Variants in MAP4 observed in about 807,000 individuals in gnomAD.
MAP4 encodes the protein microtubule associated protein 4.
Under a neutral mutation model 170.2 loss-of-function variants are expected in MAP4, and 76 were observed. The observed-to-expected ratio is 0.45, with a 90% CI of 0.37 to 0.54. The LOEUF is 0.54. Among genes scored for constraint, MAP4 ranks in the 20% least tolerant of loss-of-function variants. MAP4 has a pLI of 0.00. For missense variants in MAP4, 2,506 were observed against 2,748.0 expected (o/e 0.91, Z 1.97); for synonymous variants, 909 against 994.5 (o/e 0.91, Z 1.62).
chr3:47,874,658 C>T (rs2094657969), intron 12 of MAP4, among the ~76,000 whole-genome samples: 1 of 152,148 alleles, frequency 6.6e-6, no homozygotes, highest in Non-Finnish European at 1.5e-5. Context: ...GGCACCTCCC[C>T]TCTGCCCTCT....
rs58498879 is a variant in MAP4, at chr3:47,976,386, G to T, written c.292+1479C>A. On this transcript the variant is annotated intron_variant, in intron 3 of 20. Coordinates refer to ENST00000683076, the MANE Select transcript of MAP4 (RefSeq NM_001385682.1). The stretch of plus-strand genomic sequence containing the variant: ...TCAGGCATGACTTCCTACTGGAGAA[G>T]AAATCTACTCGTTTTTGTAGTTGTT... Among the ~76,000 whole-genome samples, 610 of 152,276 alleles carry T rather than the reference G, an allele frequency of 4.0e-3. 6 individuals are homozygous for T. Among genetic ancestry groups the T allele is most frequent in the African/African-American group, 0.014 (591 of 41,554 alleles).
chr3:47,899,034 T>C (rs1415244491), intron 10 of MAP4, among the ~76,000 whole-genome samples: 3 of 152,124 alleles, frequency 2.0e-5, no homozygotes, highest in African/African-American at 7.2e-5. Flanking sequence ...ATTACAGACA[T>C]AATCTCAATC....
intron 3 of MAP4, among the ~76,000 whole-genome samples, chr3:47,954,329 G>A (rs1395772994): frequency 1.3e-5 from 2 of 152,122 alleles, no homozygotes; most frequent in African/African-American, 4.8e-5. Context: ...CAAAGACAAG[G>A]TGGGAAATCT....
intron 17 of MAP4, among the ~76,000 whole-genome samples, chr3:47,866,591 TA>T (rs1194933583): frequency 6.6e-6 from 1 of 151,218 alleles, no homozygotes; most frequent in Non-Finnish European, 1.5e-5. Context: ...CCGTCTCTAC[TA>T]AAAATACAAA....
rs1389900329 is a variant in MAP4 at position 48,002,983 on chromosome 3, A to T, written c.-19-4104T>A. 3.8e-3 allele frequency among the ~76,000 whole-genome samples: 568 copies of T among 149,902 alleles called. 3 individuals carry two copies. The highest frequency in any genetic ancestry group is 0.013 in the African/African-American group (533 of 40,114). ...TAAATAAATAAATAAATAAATAAAT[A>T]AATAAATAAATTTAATTCCATTTAG... On this transcript the variant is annotated intron_variant, in intron 1 of 20. Transcript: ENST00000683076.
chr3:48,067,405 T>G (rs930745745), intron 1 of MAP4, among the ~76,000 whole-genome samples: 9 of 152,188 alleles, frequency 5.9e-5, no homozygotes, highest in African/African-American at 2.2e-4. Flanking sequence ...CATGGCTTAC[T>G]GCAGCCTCTA....
chr3:47,943,045 C>T (rs1193749736), intron 3 of MAP4, among the ~76,000 whole-genome samples: 1 of 151,976 alleles, frequency 6.6e-6, no homozygotes, highest in Non-Finnish European at 1.5e-5. Flanking sequence ...GCCAGGATTT[C>T]AAGATTGCAG....
chr3:47,872,090 T>A lies in MAP4; in HGVS notation c.5768A>T (p.Asp1923Val). 6.2e-7 allele frequency: 1 copy of A among 1,610,974 alleles called. No individual in the cohort carries two copies. The highest frequency in any genetic ancestry group is 8.5e-7 in the Non-Finnish European group (1 of 1,178,374). ...GGCCCGCTTCTCAGGAGCCTTTGCATCTGCAATGGGCTGGAAATAGGAAAG... is the reference window on the plus strand; with the variant it reads ...GGCCCGCTTCTCAGGAGCCTTTGCAACTGCAATGGGCTGGAAATAGGAAAG... Reference protein sequence around the residue: ...SKDVKPKPIADAKAPEKRASP... With the variant: ...SKDVKPKPIAVAKAPEKRASP... The change falls in exon 13 of 21, where the codon GAT becomes GTT. Residue 1923 changes from aspartate to valine, a missense_variant. Physicochemically the swap from Asp to Val is radical, Grantham distance 152. Transcript: ENST00000683076.
At chr3:47,935,782 C>G (rs571458075) in intron 3 of MAP4, among the ~76,000 whole-genome samples, 1 of 151,282 alleles carries the variant, frequency 6.6e-6, no homozygotes, top group Non-Finnish European at 1.5e-5. Flanking sequence ...ACTAAAAATA[C>G]AAAAATTAGC....
At chr3:47,876,979 T>A (rs2095570325) in intron 11 of MAP4, 1 of 153,964 alleles carries the variant, frequency 6.5e-6, no homozygotes, top group African/African-American at 2.4e-5. Context: ...ACTCCTTGGT[T>A]CAAGCAATCC....
chr3:47,906,702 A>G (rs1217197662), intron 9 of MAP4, among the ~76,000 whole-genome samples: 1 of 151,798 alleles, frequency 6.6e-6, no homozygotes, highest in Admixed American at 6.6e-5. Flanking sequence ...AAAAAGTACT[A>G]TAATACATTA....
intron 10 of MAP4, among the ~76,000 whole-genome samples, chr3:47,901,909 C>T (rs1411185085): frequency 3.9e-5 from 6 of 152,092 alleles, no homozygotes; most frequent in African/African-American, 1.4e-4. Flanking sequence ...CCTAGAATCT[C>T]AGCACTTTGG....
intron 1 of MAP4, among the ~76,000 whole-genome samples, chr3:48,056,771 C>T (rs1461201713): frequency 4.6e-5 from 3 of 65,032 alleles, no homozygotes; most frequent in East Asian, 5.5e-4. Context: ...CCCGGCCAGC[C>T]GCCCCGTCCG....
At chr3:48,056,159 G>C (rs2100131270) in intron 1 of MAP4, among the ~76,000 whole-genome samples, 2 of 143,686 alleles carry the variant, frequency 1.4e-5, no homozygotes, top group African/African-American at 5.0e-5. Flanking sequence ...ATCCGGGAGG[G>C]AGGTGGGGGG....
At chr3:47,897,926 A>C (rs1033742992) in intron 10 of MAP4, among the ~76,000 whole-genome samples, 2 of 140,222 alleles carry the variant, frequency 1.4e-5, no homozygotes, top group Admixed American at 7.1e-5. Context: ...CAGGCAACAG[A>C]GTGAGACTCC....
intron 1 of MAP4, among the ~76,000 whole-genome samples, chr3:48,080,047 G>C (rs557832558): frequency 6.6e-6 from 1 of 152,276 alleles, no homozygotes; most frequent in East Asian, 1.9e-4. Context: ...GTAGCTGGGG[G>C]AAAAGCCACT....
chr3:47,980,822 A>G (rs564275155), intron 2 of MAP4, among the ~76,000 whole-genome samples: 53 of 152,216 alleles, frequency 3.5e-4, no homozygotes, highest in Non-Finnish European at 6.9e-4. Flanking sequence ...GAAAGAATGC[A>G]TATTTTTAAA....
At chr3:47,865,195 T>C (rs767744486) in intron 17 of MAP4, among the ~76,000 whole-genome samples, 23 of 152,266 alleles carry the variant, frequency 1.5e-4, no homozygotes, top group Middle Eastern at 6.8e-3. Flanking sequence ...CAGCAGGTGA[T>C]ACATTAATGA....
At chr3:47,929,570 A>C (rs1177761735) in intron 3 of MAP4, among the ~76,000 whole-genome samples, 1 of 150,470 alleles carries the variant, frequency 6.6e-6, no homozygotes, top group Non-Finnish European at 1.5e-5. Context: ...ACCATATGCA[A>C]AAGTTAACTC....
Sources: allele counts gnomAD v4.1 joint callset (sites outside exome capture counted in the v4.1 genomes callset), GRCh38; gene constraint gnomAD v4.1.1; transcripts MANE v1.5; gene names NCBI Gene and HGNC (gene_info 2026-07-23, HGNC 2026-07-21).